The following UBE2E2 variants were observed in gnomAD, a reference collection of about 807,000 sequenced individuals.
UBE2E2 encodes ubiquitin conjugating enzyme E2 E2.
UBE2E2 carries 6 observed loss-of-function variants against 24.7 expected under a neutral mutation model. That is an observed-to-expected ratio of 0.24 (90% confidence interval 0.13 to 0.48). The LOEUF is 0.48. Among genes scored for constraint, UBE2E2 ranks in the 20% least tolerant of loss-of-function variants. UBE2E2 has a pLI of 0.99. For missense variants in UBE2E2, 169 were observed against 245.0 expected (o/e 0.69, Z 2.07); for synonymous variants, 104 against 83.6 (o/e 1.24, Z -1.33).
At chr3:23,464,971 C>G (rs571698010) in intron 3 of UBE2E2, among the ~76,000 whole-genome samples, 2 of 152,228 alleles carry the variant, frequency 1.3e-5, no homozygotes, top group African/African-American at 4.8e-5. Flanking sequence ...GAGTATTTAC[C>G]CAACATCCTT....
chr3:23,545,117 C>T (rs573050101), intron 5 of UBE2E2, among the ~76,000 whole-genome samples: 1 of 152,276 alleles, frequency 6.6e-6, no homozygotes, highest in East Asian at 1.9e-4. Context: ...CATTCCATTG[C>T]CCAGGGACGG....
chr3:23,206,199 G>A (rs570096412), intron 1 of UBE2E2, among the ~76,000 whole-genome samples: 1 of 152,076 alleles, frequency 6.6e-6, no homozygotes. Context: ...CCTGAGGATT[G>A]TTCTCTTTTT....
chr3:23,310,863 A>AT lies in UBE2E2; in HGVS notation c.227+93560dup, dbSNP rs533602724. 5.3e-3 allele frequency among the ~76,000 whole-genome samples: 809 copies of AT among 151,810 alleles called. 6 individuals carry two copies. The highest frequency in any genetic ancestry group is 6.2e-3 in the Non-Finnish European group (420 of 67,914). ...CATTATTCCTAGACTGTGTAGCATG[A>AT]TTTTTTTTTAATACTTTCAGTTCTA... On this transcript the variant is annotated intron_variant, in intron 3 of 5. Coordinates refer to ENST00000396703, the MANE Select transcript of UBE2E2 (RefSeq NM_152653.4).
At chr3:23,410,517 C>A (rs146008886) in intron 3 of UBE2E2, among the ~76,000 whole-genome samples, 3 of 152,036 alleles carry the variant, frequency 2.0e-5, no homozygotes, top group African/African-American at 7.2e-5. Flanking sequence ...TTCTAATAAG[C>A]CTTGCAGTTT....
Position 23,560,389 on chromosome 3 carries a change from C to T in UBE2E2, c.508+27688C>T, listed in dbSNP as rs201297229. Among the ~76,000 whole-genome samples the T allele has an allele frequency of 6.4e-4, 98 of 152,262 alleles. 5 individuals are homozygous for T. In the East Asian group the frequency reaches 0.015, roughly 24 times the overall value. On this transcript the variant is annotated intron_variant, in intron 5 of 5. Coordinates refer to ENST00000396703, the MANE Select transcript of UBE2E2 (RefSeq NM_152653.4). ...GCTTCATCCGTGTCCCTACAAAGGA[C>T]ATGAACTCATCCTTTTTTATGGCTG...
intron 5 of UBE2E2, among the ~76,000 whole-genome samples, chr3:23,549,462 A>C (rs1695594030): frequency 6.6e-6 from 1 of 152,186 alleles, no homozygotes; most frequent in African/African-American, 2.4e-5. Context: ...CAAAGGACCT[A>C]AGTTATACTG....
At chr3:23,248,120 A>G (rs1204606113) in intron 3 of UBE2E2, among the ~76,000 whole-genome samples, 1 of 151,892 alleles carries the variant, frequency 6.6e-6, no homozygotes, top group Non-Finnish European at 1.5e-5. Context: ...TCTTTTTTGT[A>G]GTCGAGTACA....
chr3:23,352,323 G>A (rs1176558024), intron 3 of UBE2E2, among the ~76,000 whole-genome samples: 17 of 152,000 alleles, frequency 1.1e-4, no homozygotes, highest in African/African-American at 3.1e-4. Context: ...AATTAAAAGA[G>A]CTAGAAAAAC....
intron 3 of UBE2E2, among the ~76,000 whole-genome samples, chr3:23,441,899 A>G (rs1214264064): frequency 1.3e-5 from 2 of 152,108 alleles, no homozygotes; most frequent in Non-Finnish European, 2.9e-5. Context: ...TTGGTGTACC[A>G]CTTATATTCA....
At chr3:23,464,661 T>C (rs1698884655) in intron 3 of UBE2E2, among the ~76,000 whole-genome samples, 1 of 152,214 alleles carries the variant, frequency 6.6e-6, no homozygotes, top group Non-Finnish European at 1.5e-5. Flanking sequence ...TCTTAAAATG[T>C]GAAGCAAATA....
At chr3:23,431,143 G>A (rs529207644) in intron 3 of UBE2E2, among the ~76,000 whole-genome samples, 1 of 152,272 alleles carries the variant, frequency 6.6e-6, no homozygotes, top group South Asian at 2.1e-4. Flanking sequence ...TGGGTGAATA[G>A]AAATAAAAGG....
At chr3:23,547,681 G>A (rs115760672) in intron 5 of UBE2E2, among the ~76,000 whole-genome samples, 1,862 of 152,280 alleles carry the variant, frequency 0.012, 28 homozygotes, top group Non-Finnish European at 0.019. Flanking sequence ...AAACACCCTC[G>A]AGGATGTTGA....
At chr3:23,343,968 G>T (rs1403449529) in intron 3 of UBE2E2, among the ~76,000 whole-genome samples, 2 of 152,060 alleles carry the variant, frequency 1.3e-5, no homozygotes, top group Non-Finnish European at 2.9e-5. Context: ...TCTCAGTTTG[G>T]ACTTAAATCA....
chr3:23,419,494 A>T (rs1223146218), intron 3 of UBE2E2, among the ~76,000 whole-genome samples: 1 of 152,200 alleles, frequency 6.6e-6, no homozygotes, highest in African/African-American at 2.4e-5. Context: ...GGAAGCCACA[A>T]AGGACTTCAA....
At chr3:23,399,357 G>C (rs1697160262) in intron 3 of UBE2E2, among the ~76,000 whole-genome samples, 1 of 152,156 alleles carries the variant, frequency 6.6e-6, no homozygotes, top group Non-Finnish European at 1.5e-5. Context: ...CTGAGATCTG[G>C]TAACTGAGAT....
At chr3:23,279,756 A>G (rs1459613254) in intron 3 of UBE2E2, among the ~76,000 whole-genome samples, 2 of 152,226 alleles carry the variant, frequency 1.3e-5, no homozygotes, top group African/African-American at 4.8e-5. Flanking sequence ...GTGGTCTACC[A>G]GAGTCAGTTG....
At chr3:23,524,062 T>C (rs1374846901) in intron 4 of UBE2E2, among the ~76,000 whole-genome samples, 1 of 152,150 alleles carries the variant, frequency 6.6e-6, no homozygotes, top group East Asian at 1.9e-4. Flanking sequence ...TATGTCCTTA[T>C]CAAAATTTTT....
intron 3 of UBE2E2, among the ~76,000 whole-genome samples, chr3:23,439,570 C>A (rs956686496): frequency 7.2e-5 from 11 of 152,162 alleles, no homozygotes; most frequent in African/African-American, 2.7e-4. Context: ...TGAGAGAGAA[C>A]GTTGAGAGGT....
intron 3 of UBE2E2, among the ~76,000 whole-genome samples, chr3:23,224,169 T>G (rs1037120063): frequency 6.0e-5 from 9 of 149,712 alleles, no homozygotes; most frequent in South Asian, 4.2e-4. Flanking sequence ...TTTTTTTTTT[T>G]TTTTTTTTTT....
Sources: gnomAD v4.1 joint callset for allele counts (sites outside exome capture counted in the v4.1 genomes callset) on GRCh38, gnomAD v4.1.1 for gene constraint, MANE v1.5 for transcripts, NCBI Gene and HGNC (gene_info 2026-07-23, HGNC 2026-07-21) for gene names.